The following REV3L variants were observed in gnomAD, a reference collection of about 807,000 sequenced individuals.
The protein encoded by REV3L is DNA polymerase zeta catalytic subunit.
REV3L carries 69 observed loss-of-function variants against 299.4 expected under a neutral mutation model. That is an observed-to-expected ratio of 0.23 (90% CI 0.19 to 0.28). REV3L has a LOEUF of 0.28. REV3L is among the 10% of genes least tolerant of loss of function. REV3L has a pLI of 1.00. For missense variants in REV3L, 3,128 were observed against 3,693.8 expected (o/e 0.85, Z 3.97); for synonymous variants, 1,238 against 1,271.4 (o/e 0.97, Z 0.56).
chr6:111,315,068 T>C (rs1773378558), intron 27 of REV3L, among the ~76,000 whole-genome samples, 199 bp downstream of exon 27: 2 of 151,990 alleles, frequency 1.3e-5, no homozygotes, highest in Admixed American at 1.3e-4. Flanking sequence ...CAGGCTGATC[T>C]CAAACTCCTG....
At chr6:111,327,583 T>A (rs1018663082) in intron 25 of REV3L, among the ~76,000 whole-genome samples, 4 of 151,828 alleles carry the variant, frequency 2.6e-5, no homozygotes, top group Non-Finnish European at 4.4e-5. Context: ...TAGCTTTTGG[T>A]TTTACATTAG....
rs144497761 is a variant in REV3L, at chr6:111,338,312, C to CTTTTTTTTTTTTTTT, written c.7539-2717_7539-2703dup. 1.5e-4 allele frequency among the ~76,000 whole-genome samples: 7 copies of CTTTTTTTTTTTTTTT among 47,936 alleles called. 1 individual carries two copies. The highest frequency in any genetic ancestry group is 2.4e-3 in the East Asian group (2 of 832). 31.4% of individuals were successfully genotyped at this position (47,936 alleles called of 152,430 possible). On this transcript the variant is annotated intron_variant, in intron 21 of 31. Coordinates refer to ENST00000368802, the MANE Select transcript of REV3L (RefSeq NM_001372078.1). ...TCTTTGTTTACTCCAGTCTAAAGTC[C>CTTTTTTTTTTTTTTT]TTTTTTTTTTTTTTTTTTTTTTTTT...
intron 18 of REV3L, among the ~76,000 whole-genome samples, chr6:111,355,794 G>A (rs1049029292): frequency 1.3e-5 from 2 of 152,168 alleles, no homozygotes; most frequent in African/African-American, 4.8e-5. Flanking sequence ...AATAAAAGAA[G>A]TGTGGATACT....
At chr6:111,430,716 A>T (rs1426025773) in intron 1 of REV3L, 1 of 1,546,456 alleles carries the variant, frequency 6.5e-7, no homozygotes, top group African/African-American at 1.4e-5. Context: ...AAAAAGAAAG[A>T]CAAAGACATG....
chr6:111,437,182 C>A (rs1052369189), intron 1 of REV3L, among the ~76,000 whole-genome samples: 4 of 152,088 alleles, frequency 2.6e-5, no homozygotes, highest in Non-Finnish European at 4.4e-5. Context: ...TCTGGTAGTT[C>A]TTCAAAAAGT....
chr6:111,391,267 T>C (rs141823484), intron 5 of REV3L, among the ~76,000 whole-genome samples: 1 of 152,252 alleles, frequency 6.6e-6, no homozygotes, highest in African/African-American at 2.4e-5. Context: ...GGTTTCACCA[T>C]GTTGGCCAGG....
rs765819534 is a variant in REV3L at position 111,387,815 on chromosome 6, C to T, written c.1046G>A (p.Cys349Tyr). 6.2e-7 allele frequency: 1 copy of T among 1,613,902 alleles called. No individual in the cohort carries two copies. Among genetic ancestry groups the T allele is most frequent in the Non-Finnish European group, 8.5e-7 (1 of 1,179,926 alleles). ...AACTTCTACCATATTGGCTGGTGTA[C>T]ACTGAAGCATTTCAGGAGACAGAAC... ...SEVLSPEMLQ[C>Y]TPANMVEVHK... The change falls in exon 9 of 32, where the codon TGT becomes TAT. Residue 349 changes from cysteine to tyrosine, a missense_variant. Physicochemically the swap from Cys to Tyr is radical, Grantham distance 194 (BLOSUM62 -2). Coordinates refer to ENST00000368802, the MANE Select transcript of REV3L (RefSeq NM_001372078.1).
chr6:111,381,417 G>A lies in REV3L; in HGVS notation c.1124C>T (p.Ala375Val). Reference sequence around the variant, plus strand: ...CAAAATTGCTTCTTCATTAATAAGAGCTTCTTCCACTTTGTGTCTAGTGTG... The same window carrying A: ...CAAAATTGCTTCTTCATTAATAAGAACTTCTTCCACTTTGTGTCTAGTGTG... ...KGHTRHKVEEALINEEAILNL... is the reference protein window; with the variant it reads ...KGHTRHKVEEVLINEEAILNL... The change falls in exon 10 of 32, where the codon GCT (alanine) becomes GTT (valine). Residue 375 changes from alanine (A) to valine (V), a missense_variant. Transcript: ENST00000368802. 1 of 1,612,992 alleles carries A rather than the reference G, an allele frequency of 6.2e-7. No individual in the cohort carries two copies. Among genetic ancestry groups the A allele is most frequent in the Non-Finnish European group, 8.5e-7 (1 of 1,179,596 alleles).
At chr6:111,308,861 T>G (rs1772637986) in intron 30 of REV3L, among the ~76,000 whole-genome samples, 3 of 152,246 alleles carry the variant, frequency 2.0e-5, no homozygotes, top group Admixed American at 2.0e-4. Context: ...AAAACGTTTA[T>G]CTTTTAGGAA....
At chr6:111,372,334 A>T (rs1779881649) in intron 13 of REV3L, among the ~76,000 whole-genome samples, 1 of 152,212 alleles carries the variant, frequency 6.6e-6, no homozygotes, top group Non-Finnish European at 1.5e-5. Context: ...TTTAATGAAG[A>T]CATAGTGTTA....
At chr6:111,381,189 T>C in intron 10 of REV3L, 136 bp downstream of exon 10, 1 of 832,268 alleles carries the variant, frequency 1.2e-6, no homozygotes, top group South Asian at 2.0e-5. Flanking sequence ...CAAGGTTTCA[T>C]TTTCATATTC....
chr6:111,429,760 A>G (rs1786650365), intron 1 of REV3L, among the ~76,000 whole-genome samples: 1 of 152,120 alleles, frequency 6.6e-6, no homozygotes, highest in Non-Finnish European at 1.5e-5. Context: ...CCAGACCGGA[A>G]GCAGCGCCGC....
At chr6:111,438,668 C>A (rs931947830) in intron 1 of REV3L, among the ~76,000 whole-genome samples, 1 of 152,120 alleles carries the variant, frequency 6.6e-6, no homozygotes, top group Non-Finnish European at 1.5e-5. Flanking sequence ...CATATCCCAA[C>A]CCGATATCCT....
intron 1 of REV3L, among the ~76,000 whole-genome samples, chr6:111,460,070 T>C (rs1348123504): frequency 2.6e-5 from 4 of 152,214 alleles, no homozygotes; most frequent in African/African-American, 4.8e-5. Flanking sequence ...ATATACACCA[T>C]GGAACACTAC....
At position 111,422,665 on chromosome 6, in the gene REV3L, T is replaced by TATAC. The variant is rs1554228707; in HGVS notation, c.140-6194_140-6193insGTAT. Among the ~76,000 whole-genome samples, 5 of 37,454 alleles carry TATAC rather than the reference T, an allele frequency of 1.3e-4. 1 individual carries two copies. Among genetic ancestry groups the TATAC allele is most frequent in the Admixed American group, 7.5e-4 (2 of 2,650 alleles). The allele number at this position is 37,454 out of a possible 152,430, so 24.6% of individuals were successfully genotyped here. A position where few individuals can be genotyped will look rare whatever the true frequency, so the allele number is the denominator to read the frequency against. On this transcript the variant is annotated intron_variant, in intron 1 of 31. Coordinates refer to ENST00000368802, the MANE Select transcript of REV3L (RefSeq NM_001372078.1). The stretch of plus-strand genomic sequence containing the variant: ...ATATATATACATATATATATATACA[T>TATAC]ATATATATATATACGTATATATATA...
At chr6:111,379,872 A>G (rs1416286280) in intron 11 of REV3L, 110 bp downstream of exon 11, 1 of 739,886 alleles carries the variant, frequency 1.4e-6, no homozygotes, top group South Asian at 1.8e-5. Flanking sequence ...TAAAACATCA[A>G]TTTAGTTCAT....
intron 3 of REV3L, among the ~76,000 whole-genome samples, chr6:111,408,612 C>CAAAACAA (rs1783899436): frequency 1.5e-5 from 1 of 67,606 alleles, no homozygotes; most frequent in South Asian, 3.2e-4. Context: ...AAAAACAAAA[C>CAAAACAA]AAAACAAAAC....
chr6:111,453,336 TTGCAATTA>T (rs1789775648), intron 1 of REV3L, among the ~76,000 whole-genome samples: 1 of 152,214 alleles, frequency 6.6e-6, no homozygotes, highest in South Asian at 2.1e-4. Flanking sequence ...TCAACTGGGT[TTGCAATTA>T]TGCCAGGTTG....
intron 1 of REV3L, among the ~76,000 whole-genome samples, chr6:111,416,966 A>G (rs989149613): frequency 3.3e-5 from 5 of 152,074 alleles, no homozygotes; most frequent in African/African-American, 1.2e-4. Flanking sequence ...GAATTTTGCT[A>G]TTGCAGTGGG....
Sources: allele counts gnomAD v4.1 joint callset (sites outside exome capture counted in the v4.1 genomes callset), GRCh38; gene constraint gnomAD v4.1.1; transcripts MANE v1.5; gene names NCBI Gene and HGNC (gene_info 2026-07-23, HGNC 2026-07-21).